The following RYR3 variants were observed in gnomAD, a reference collection of about 807,000 sequenced individuals.
The protein encoded by RYR3 is brain ryanodine receptor-calcium release channel.
A neutral mutation model predicts 584.3 loss-of-function variants in RYR3; 207 were observed. The observed-to-expected ratio is 0.35, with a 90% CI of 0.32 to 0.40. The LOEUF (loss-of-function observed/expected upper bound fraction) is 0.40, where lower values mean the gene tolerates loss of function less well. Ranked by LOEUF, RYR3 falls within the 10% of genes least tolerant of loss-of-function variation. The pLI, the probability that RYR3 is intolerant of heterozygous loss-of-function variation, is 1.00. For synonymous variants in RYR3, 2,416 were observed against 2,248.5 expected, an observed-to-expected ratio of 1.07 and a Z score of -2.11; for missense variants, 5,616 against 6,089.2, an observed-to-expected ratio of 0.92 and a Z score of 2.59.
chr15:33,520,433 G>A lies in RYR3; in HGVS notation c.280-10159G>A, dbSNP rs1018785233. ...GACCCTTTGTGGTCACTGGTCCACTGTTTCATCTGAAGCCTGATGAGGAGG... is the reference window on the plus strand; with the variant it reads ...GACCCTTTGTGGTCACTGGTCCACTATTTCATCTGAAGCCTGATGAGGAGG... On this transcript the variant is annotated intron_variant, in intron 3 of 103. Coordinates refer to ENST00000634891, the MANE Select transcript of RYR3 (RefSeq NM_001036.6). Among the ~76,000 whole-genome samples the A allele has an allele frequency of 2.0e-5, 3 of 152,194 alleles. No individual in the cohort carries two copies. In the East Asian group the frequency reaches 5.8e-4, roughly 29 times the overall value.
chr15:33,665,168 G>A (rs2063426744), intron 36 of RYR3, among the ~76,000 whole-genome samples: 1 of 152,206 alleles, frequency 6.6e-6, no homozygotes. Context: ...ATGTATTTGT[G>A]AATAACAGAA....
At chr15:33,655,124 G>A (rs1447793141) in intron 32 of RYR3, among the ~76,000 whole-genome samples, 2 of 152,210 alleles carry the variant, frequency 1.3e-5, no homozygotes, top group Non-Finnish European at 2.9e-5. Context: ...TCACCACTTG[G>A]CACGCTTGCT....
At chr15:33,768,600 C>A (rs928954631) in intron 60 of RYR3, 58 bp from the exon 61 acceptor site, 8 of 1,488,926 alleles carry the variant, frequency 5.4e-6, no homozygotes, top group South Asian at 2.3e-5. Context: ...GTGGGGGATA[C>A]AAAGCGTGAG....
chr15:33,821,642 A>T, intron 80 of RYR3, 40 bp downstream of exon 80: 1 of 1,590,660 alleles, frequency 6.3e-7, no homozygotes. Context: ...CTCCCGGGGT[A>T]TTCCCATTTG....
chr15:33,349,967 G>A (rs1337596088), intron 1 of RYR3, among the ~76,000 whole-genome samples: 1 of 151,664 alleles, frequency 6.6e-6, no homozygotes, highest in Non-Finnish European at 1.5e-5. Context: ...GTGTATATGT[G>A]CCACATTTTC....
rs190107615 is a variant in RYR3, at chr15:33,715,567, C to T, written c.6620-7148C>T. ...TGTACTAACTGTAAGGTATCTTAGTCCATTTATACTGCAGCAACAAAATAC... is the reference window on the plus strand; with the variant it reads ...TGTACTAACTGTAAGGTATCTTAGTTCATTTATACTGCAGCAACAAAATAC... On this transcript the variant is annotated intron_variant, in intron 43 of 103. Coordinates refer to ENST00000634891, the MANE Select transcript of RYR3 (RefSeq NM_001036.6). Among the ~76,000 whole-genome samples, 801 of 152,180 alleles carry T rather than the reference C, an allele frequency of 5.3e-3. 4 individuals are homozygous for T. Among genetic ancestry groups the T allele is most frequent in the South Asian group, 0.016 (76 of 4,820 alleles).
rs201020040 is a variant in RYR3, at chr15:33,652,872, A to G, written c.4297A>G (p.Thr1433Ala). The G allele has an allele frequency of 1.0e-4, 161 of 1,609,736 alleles. No homozygotes were observed. Among genetic ancestry groups the G allele is most frequent in the Non-Finnish European group, 1.3e-4 (159 of 1,177,890 alleles). The part of the protein sequence containing the change: ...SFSANGKELG[T>A]CYQVEPNTKV... ...CTCAGCCAATGGAAAGGAACTGGGC[A>G]CCTGCTACCAGGTAAGGGCGGCTTC... is the stretch of plus-strand genomic sequence containing the variant. The change falls in exon 32 of 104, where the codon ACC (threonine) becomes GCC (alanine). Residue 1433 changes from threonine (T) to alanine (A), a missense_variant. By Grantham distance (58) the Thr-to-Ala change is moderately conservative. Coordinates refer to ENST00000634891, the MANE Select transcript of RYR3 (RefSeq NM_001036.6).
intron 93 of RYR3, 34 bp from the exon 94 acceptor site, chr15:33,848,257 C>A (rs991316050): frequency 1.2e-6 from 2 of 1,612,000 alleles, no homozygotes; most frequent in African/African-American, 2.7e-5. Flanking sequence ...ATCACAAAGC[C>A]TGCTCTGAGT....
intron 84 of RYR3, 102 bp downstream of exon 84, chr15:33,826,854 G>A (rs2077402076): frequency 2.5e-6 from 2 of 804,934 alleles, no homozygotes; most frequent in East Asian, 2.4e-5. Context: ...TTAACTCAAG[G>A]ACATCAGTTA....
At chr15:33,313,195 A>G (rs1252654880) in intron 1 of RYR3, among the ~76,000 whole-genome samples, 2 of 152,184 alleles carry the variant, frequency 1.3e-5, no homozygotes, top group Non-Finnish European at 1.5e-5. Flanking sequence ...GCACCTTAAC[A>G]TCTTTGTTTT....
chr15:33,819,832 GTC>G (rs1441778623), intron 77 of RYR3, 25 bp downstream of exon 77: 6 of 1,563,082 alleles, frequency 3.8e-6, no homozygotes, highest in African/African-American at 1.4e-5. Context: ...TCTGCCCATT[GTC>G]TCTGTCTTTC....
chr15:33,697,429 C>T (rs2065927367), intron 39 of RYR3, among the ~76,000 whole-genome samples: 1 of 152,180 alleles, frequency 6.6e-6, no homozygotes, highest in Non-Finnish European at 1.5e-5. Flanking sequence ...AAAGTAACCA[C>T]CCAGCAAGGG....
intron 1 of RYR3, among the ~76,000 whole-genome samples, chr15:33,312,753 G>A (rs1967528672): frequency 6.6e-6 from 1 of 152,176 alleles, no homozygotes; most frequent in Non-Finnish European, 1.5e-5. Flanking sequence ...GATGTCCCAG[G>A]GAGTTGAGGC....
intron 36 of RYR3, among the ~76,000 whole-genome samples, chr15:33,664,338 G>A (rs1034359456): frequency 3.3e-5 from 5 of 151,936 alleles, no homozygotes; most frequent in African/African-American, 7.3e-5. Flanking sequence ...GATGGGAAGG[G>A]CTTCTTTAAG....
intron 36 of RYR3, among the ~76,000 whole-genome samples, chr15:33,667,685 T>G (rs1174048920): frequency 6.6e-6 from 1 of 152,222 alleles, no homozygotes; most frequent in Admixed American, 6.5e-5. Context: ...TATTTTATTT[T>G]GTGCATTTAA....
chr15:33,464,135 TAAAC>T (rs1168420935), intron 1 of RYR3, among the ~76,000 whole-genome samples: 1 of 151,948 alleles, frequency 6.6e-6, no homozygotes, highest in Admixed American at 6.6e-5. Context: ...AGATTAGAAA[TAAAC>T]CTGTATTGTT....
intron 2 of RYR3, among the ~76,000 whole-genome samples, chr15:33,480,077 G>A (rs867649383): frequency 2.0e-5 from 3 of 152,172 alleles, no homozygotes; most frequent in South Asian, 4.1e-4. Context: ...CTGGGGAGGA[G>A]GGGTGCAAAA....
rs762495196 is a variant in RYR3 at position 33,613,263 on chromosome 15, G to C, written c.2245G>C (p.Gly749Arg). 4.3e-6 allele frequency: 7 copies of C among 1,613,912 alleles called. No individual in the cohort carries two copies. The highest frequency in any genetic ancestry group is 5.9e-6 in the Non-Finnish European group (7 of 1,179,840). Reference protein sequence around the residue: ...DDVVSCCLDLGVPSISFRING... With the variant: ...DDVVSCCLDLRVPSISFRING... ...CGTGGTAAGCTGCTGCCTGGACCTC[G>C]GGGTGCCCAGCATCTCATTCCGCAT... The change falls in exon 19 of 104, where the codon GGG (glycine) becomes CGG (arginine). Residue 749 changes from glycine to arginine, a missense_variant. This residue lies in a region of RYR3 where 1,284 missense variants were observed against 1,344.6 expected (regional missense o/e 0.95). Transcript: ENST00000634891.
At chr15:33,736,889 G>C (rs1316992723) in intron 49 of RYR3, among the ~76,000 whole-genome samples, 1 of 151,894 alleles carries the variant, frequency 6.6e-6, no homozygotes, top group Non-Finnish European at 1.5e-5. Flanking sequence ...GCTGGGACTA[G>C]AGGCACATGC....
Sources: gnomAD v4.1 joint callset for allele counts (sites outside exome capture counted in the v4.1 genomes callset) on GRCh38, gnomAD v4.1.1 for gene constraint, gnomAD v4.1.1 regional missense constraint, MANE v1.5 for transcripts, NCBI Gene and HGNC (gene_info 2026-07-23, HGNC 2026-07-21) for gene names.